SNX32: variants seen among roughly 807,000 people sequenced by gnomAD.
SNX32 encodes the protein sorting nexin 32.
In SNX32, 58 loss-of-function variants were observed where a neutral mutation model predicts 57.0. The ratio of observed to expected loss-of-function variants is 1.02; its 90% CI spans 0.82 to 1.27. SNX32 has a LOEUF of 1.27. Among genes scored for constraint, SNX32 ranks in the 50% most tolerant of loss-of-function variants. The pLI is 0.00. For synonymous variants in SNX32, 262 were observed against 220.4 expected, an observed-to-expected ratio of 1.19 and a Z score of -1.67; for missense variants, 589 against 541.2, an observed-to-expected ratio of 1.09 and a Z score of -0.88.
chr11:65,840,930 GT>G (rs930190428), intron 1 of SNX32, among the ~76,000 whole-genome samples: 106 of 150,930 alleles, frequency 7.0e-4, no homozygotes, highest in Admixed American at 1.6e-3. Context: ...ATCTATTATG[GT>G]TTTTTTTTCT....
intron 1 of SNX32, among the ~76,000 whole-genome samples, chr11:65,834,417 CTGTG>C (rs1184559198): frequency 6.9e-6 from 1 of 145,304 alleles, no homozygotes; most frequent in Non-Finnish European, 1.5e-5. Flanking sequence ...GTGTGTGTGT[CTGTG>C]TGTCTCCGTG....
intron 1 of SNX32, among the ~76,000 whole-genome samples, chr11:65,844,258 G>C (rs761627616): frequency 8.5e-5 from 13 of 152,108 alleles, no homozygotes; most frequent in Non-Finnish European, 1.8e-4. Flanking sequence ...ACAGTAATCA[G>C]TCCAGTGAGA....
In SNX32 at chr11:65,853,508, G is replaced by A. The variant is rs2134703977; in HGVS notation, c.*173G>A. ...ACCCCCTATCACCACCACCACAGGT[G>A]CCAGGCCCTGCAAGACACAGGGCAG... On this transcript the variant is annotated 3_prime_UTR_variant, in exon 13 of 13. Coordinates refer to ENST00000308342, the MANE Select transcript of SNX32 (RefSeq NM_152760.3). 1 of 654,116 alleles carries A rather than the reference G, an allele frequency of 1.5e-6. No individual in the cohort carries two copies. Among genetic ancestry groups the A allele is most frequent in the East Asian group, 2.7e-5 (1 of 36,558 alleles). The allele number at this position is 654,116 out of a possible 1,614,324, so 40.5% of individuals were successfully genotyped here.
chr11:65,836,082 T>C (rs991443650), intron 1 of SNX32, among the ~76,000 whole-genome samples: 6 of 152,166 alleles, frequency 3.9e-5, no homozygotes, highest in Non-Finnish European at 8.8e-5. Context: ...GCTGAGCTAT[T>C]GAACAGATGG....
At position 65,850,053 on chromosome 11, in the gene SNX32, C is replaced by T. The variant is rs1206970828; in HGVS notation, c.252+23C>T. ...ATCGTGAGGAGGGGCTGGGCAGGGG[C>T]TGGGAGGGACAGGCAGAGCACTTGG... On this transcript the variant is annotated intron_variant, in intron 3 of 12. Coordinates refer to ENST00000308342, the MANE Select transcript of SNX32 (RefSeq NM_152760.3). The T allele has an allele frequency of 2.5e-6, 4 of 1,614,040 alleles. No homozygotes were observed. In the South Asian group the frequency reaches 4.4e-5, roughly 18 times the overall value.
chr11:65,839,418 A>T (rs1697635551), intron 1 of SNX32, among the ~76,000 whole-genome samples: 2 of 146,060 alleles, frequency 1.4e-5, no homozygotes, highest in South Asian at 4.4e-4. Context: ...TTTAGTAGAG[A>T]CGGGGTTTCA....
chr11:65,850,642 G>A, intron 5 of SNX32, 88 bp downstream of exon 5: 1 of 1,560,604 alleles, frequency 6.4e-7, no homozygotes, highest in Non-Finnish European at 8.7e-7. Flanking sequence ...GGCTGGAGAA[G>A]GGGCCCAAGT....
intron 1 of SNX32, among the ~76,000 whole-genome samples, chr11:65,846,299 G>A (rs920719361): frequency 2.6e-5 from 4 of 151,334 alleles, no homozygotes; most frequent in East Asian, 1.9e-4. Context: ...GGACGGGTGC[G>A]GTGGCTCACG....
intron 1 of SNX32, among the ~76,000 whole-genome samples, chr11:65,835,352 G>A: frequency 6.7e-6 from 1 of 150,194 alleles, no homozygotes; most frequent in Admixed American, 6.6e-5. Flanking sequence ...GGAGGTGAGG[G>A]CGGGGAGGAG....
chr11:65,834,658 CTGTG>C (rs1205847680), intron 1 of SNX32, among the ~76,000 whole-genome samples: 9 of 149,110 alleles, frequency 6.0e-5, no homozygotes, highest in South Asian at 2.1e-4. Context: ...GTGTGTGTCT[CTGTG>C]TGTATCTGTG....
chr11:65,847,958 G>A (rs1170327426), intron 1 of SNX32, among the ~76,000 whole-genome samples: 1 of 152,040 alleles, frequency 6.6e-6, no homozygotes, highest in East Asian at 1.9e-4. Flanking sequence ...TGTAAACAGT[G>A]GCCAGTGACC....
chr11:65,844,062 T>C (rs916759973), intron 1 of SNX32, among the ~76,000 whole-genome samples: 1 of 152,182 alleles, frequency 6.6e-6, no homozygotes, highest in African/African-American at 2.4e-5. Context: ...AGACTAACAA[T>C]TCTGAGCTGT....
At chr11:65,835,054 T>C in intron 1 of SNX32, among the ~76,000 whole-genome samples, 1 of 151,234 alleles carries the variant, frequency 6.6e-6, no homozygotes, top group Non-Finnish European at 1.5e-5. Context: ...TGTGTGTTTC[T>C]ATGTGTGTCT....
At chr11:65,836,090 T>C (rs1283426153) in intron 1 of SNX32, among the ~76,000 whole-genome samples, 1 of 152,174 alleles carries the variant, frequency 6.6e-6, no homozygotes, top group Non-Finnish European at 1.5e-5. Flanking sequence ...ATTGAACAGA[T>C]GGATGCACCC....
intron 9 of SNX32, 38 bp from the exon 10 acceptor site, chr11:65,852,427 G>C (rs368528208): frequency 2.5e-6 from 4 of 1,593,122 alleles, no homozygotes; most frequent in East Asian, 2.2e-5. Context: ...CTGCCCCTCT[G>C]ACAAGCTCCC....
chr11:65,834,552 G>GTGTGTCTGTGTGTC (rs1858603558), intron 1 of SNX32, among the ~76,000 whole-genome samples: 1 of 151,468 alleles, frequency 6.6e-6, no homozygotes, highest in African/African-American at 2.4e-5. Context: ...GTCTGTGTGT[G>GTGTGTCTGTGTGTC]TGTGTCTGTG....
At chr11:65,839,798 A>T (rs1858790680) in intron 1 of SNX32, among the ~76,000 whole-genome samples, 1 of 152,078 alleles carries the variant, frequency 6.6e-6, no homozygotes, top group South Asian at 2.1e-4. Context: ...TTCATGAACA[A>T]GGCCTTCTTC....
rs758549620 is a variant in SNX32, at chr11:65,850,819, G to A, written c.567G>A (p.Ala189=). 5.0e-6 allele frequency: 8 copies of A among 1,614,014 alleles called. No individual in the cohort carries two copies. Among genetic ancestry groups the A allele is most frequent in the Admixed American group, 1.7e-5 (1 of 60,002 alleles). Residue 189 remains alanine, a synonymous_variant, in exon 6 of 13, where the codon GCG becomes GCA. Transcript: ENST00000308342. The part of the protein sequence containing the change: ...GGFLRNIVKS[A]DEALITGMSG... Reference sequence around the variant, plus strand: ...TTCTGAGGAATATTGTGAAGTCCGCGGATGAAGCCCTCATCACGGGCATGT... The same window carrying A: ...TTCTGAGGAATATTGTGAAGTCCGCAGATGAAGCCCTCATCACGGGCATGT...
In SNX32 at chr11:65,852,716, G is replaced by A. The variant is rs1859246600; in HGVS notation, c.999G>A (p.Glu333=). Residue 333 remains glutamate (E), a synonymous_variant, in exon 11 of 13, where the codon GAG becomes GAA. Coordinates refer to ENST00000308342, the MANE Select transcript of SNX32 (RefSeq NM_152760.3). ...ACAAGGCGCGCACCAGGAACCGGGA[G>A]GTGCGGCCCGCCGAGAGCCACCAGC... is the stretch of plus-strand genomic sequence containing the variant. ...ALDKARTRNR[E]VRPAESHQQL... 2 of 1,600,882 alleles carry A rather than the reference G, an allele frequency of 1.2e-6. No individual in the cohort carries two copies. The highest frequency in any genetic ancestry group is 1.7e-6 in the Non-Finnish European group (2 of 1,177,154).
Sources: gnomAD v4.1 joint callset for allele counts (sites outside exome capture counted in the v4.1 genomes callset) on GRCh38, gnomAD v4.1.1 for gene constraint, MANE v1.5 for transcripts, NCBI Gene and HGNC (gene_info 2026-07-23, HGNC 2026-07-21) for gene names.